The following MAGI2 variants were observed in gnomAD, a reference collection of about 807,000 sequenced individuals.
MAGI2 encodes the protein membrane-associated guanylate kinase, WW and PDZ domain-containing protein 2.
MAGI2 carries 35 observed loss-of-function variants against 133.3 expected under a neutral mutation model. The observed-to-expected ratio is 0.26, with a 90% CI of 0.20 to 0.35. The LOEUF (loss-of-function observed/expected upper bound fraction) is 0.35, where lower values mean the gene tolerates loss of function less well. Ranked by LOEUF, MAGI2 falls within the 10% of genes least tolerant of loss-of-function variation. MAGI2 has a pLI of 1.00. For synonymous variants in MAGI2, 729 were observed against 710.6 expected, an observed-to-expected ratio of 1.03 and a Z score of -0.41; for missense variants, 1,636 against 1,863.4, an observed-to-expected ratio of 0.88 and a Z score of 2.25.
At chr7:78,589,231 C>G (rs926029817) in intron 3 of MAGI2, among the ~76,000 whole-genome samples, 1 of 152,186 alleles carries the variant, frequency 6.6e-6, no homozygotes, top group Non-Finnish European at 1.5e-5. Context: ...ATGTTTCACA[C>G]TTACACGGTG....
chr7:78,282,540 A>ATCTTG (rs199504267), intron 9 of MAGI2, among the ~76,000 whole-genome samples: 2,233 of 152,122 alleles, frequency 0.015, 34 homozygotes, highest in South Asian at 0.025. Context: ...CTATCTATCT[A>ATCTTG]TCTTGTCTTT....
intron 21 of MAGI2, 159 bp downstream of exon 21, chr7:78,078,788 A>ATGTGTGTG (rs67657112): frequency 0.01 from 6,288 of 621,630 alleles, 4 homozygotes; most frequent in South Asian, 0.02. Context: ...GTGTGTGTGT[A>ATGTGTGTG]TGTGTGTGTG....
intron 2 of MAGI2, among the ~76,000 whole-genome samples, chr7:78,922,425 G>A (rs2151637167): frequency 6.7e-6 from 1 of 150,258 alleles, no homozygotes; most frequent in African/African-American, 2.4e-5. Context: ...TCCCACCTAT[G>A]AGTGAGAACA....
At chr7:79,311,106 A>C (rs772611784) in intron 1 of MAGI2, among the ~76,000 whole-genome samples, 23 of 152,044 alleles carry the variant, frequency 1.5e-4, no homozygotes, top group Non-Finnish European at 2.8e-4. Context: ...CTCCAATCAG[A>C]ATTTTCCCTT....
At chr7:78,183,049 G>T (rs141966605) in intron 13 of MAGI2, among the ~76,000 whole-genome samples, 1 of 152,238 alleles carries the variant, frequency 6.6e-6, no homozygotes, top group African/African-American at 2.4e-5. Context: ...CCACTATGGA[G>T]TTATCACTTA....
rs1268869067 is a variant in MAGI2 at position 79,220,180 on chromosome 7, CT to C, written c.302-212975del. 2.0e-5 allele frequency among the ~76,000 whole-genome samples: 3 copies of C among 151,964 alleles called. No homozygotes were observed. In the East Asian group the frequency reaches 5.8e-4, roughly 29 times the overall value. ...TTGGAAACTACATTTGTGTCCTTTT[CT>C]ATCCCATTCCTTACAGGATGGTGAT... On this transcript the variant is annotated intron_variant, in intron 1 of 21. Transcript: ENST00000354212.
intron 1 of MAGI2, among the ~76,000 whole-genome samples, chr7:79,299,719 G>GAGA (rs1837244134): frequency 6.6e-6 from 1 of 152,004 alleles, no homozygotes; most frequent in Non-Finnish European, 1.5e-5. Context: ...TTGGATATTT[G>GAGA]TTCCCACCCA....
chr7:78,937,181 G>A (rs774652539), intron 2 of MAGI2, among the ~76,000 whole-genome samples: 1 of 151,960 alleles, frequency 6.6e-6, no homozygotes, highest in African/African-American at 2.4e-5. Context: ...GAAGCCAGTA[G>A]TCTGAAGGAA....
In MAGI2 at chr7:78,841,367, C is replaced by G. The variant is rs1179962574; in HGVS notation, c.418+165723G>C. Among the ~76,000 whole-genome samples the G allele has an allele frequency of 2.0e-5, 3 of 152,170 alleles. No individual in the cohort carries two copies. In the South Asian group the frequency reaches 6.2e-4, roughly 32 times the overall value. On this transcript the variant is annotated intron_variant, in intron 2 of 21. Transcript: ENST00000354212. ...CCAATCACTTGCCTTGGAACTTCCT[C>G]GCAATCTCAGCTCAAGCAACACTGC... is the stretch of plus-strand genomic sequence containing the variant.
At chr7:79,163,829 TGTAA>T (rs1400014201) in intron 1 of MAGI2, among the ~76,000 whole-genome samples, 3 of 152,046 alleles carry the variant, frequency 2.0e-5, no homozygotes, top group East Asian at 1.9e-4. Flanking sequence ...TTATATCTCT[TGTAA>T]GTGTTATGTC....
At chr7:78,958,678 G>A (rs1469730471) in intron 2 of MAGI2, among the ~76,000 whole-genome samples, 1 of 152,092 alleles carries the variant, frequency 6.6e-6, no homozygotes, top group Non-Finnish European at 1.5e-5. Context: ...TGGAAAAATG[G>A]TGAAGTGCTT....
chr7:79,219,902 A>G (rs1830308054), intron 1 of MAGI2, among the ~76,000 whole-genome samples: 1 of 152,150 alleles, frequency 6.6e-6, no homozygotes, highest in Non-Finnish European at 1.5e-5. Context: ...CTGCTTTCCT[A>G]TAGAAAATTG....
At chr7:78,945,961 G>A (rs1367653028) in intron 2 of MAGI2, among the ~76,000 whole-genome samples, 1 of 152,110 alleles carries the variant, frequency 6.6e-6, no homozygotes, top group Non-Finnish European at 1.5e-5. Context: ...AATGTTATCA[G>A]AACAATCCTT....
intron 3 of MAGI2, among the ~76,000 whole-genome samples, chr7:78,527,155 A>T (rs10278133): frequency 0.034 from 5,194 of 152,254 alleles, 297 homozygotes; most frequent in African/African-American, 0.12. Flanking sequence ...GGACAGTCAC[A>T]CAATTTATTG....
intron 1 of MAGI2, among the ~76,000 whole-genome samples, chr7:79,339,626 G>A (rs1840743520): frequency 6.6e-6 from 1 of 151,926 alleles, no homozygotes; most frequent in South Asian, 2.1e-4. Context: ...CGTATATTAA[G>A]TGCTTATCAC....
intron 4 of MAGI2, among the ~76,000 whole-genome samples, chr7:78,517,531 G>A (rs1433745487): frequency 6.6e-6 from 1 of 152,090 alleles, no homozygotes; most frequent in African/African-American, 2.4e-5. Flanking sequence ...CATAAAATAA[G>A]TATAGAATTA....
chr7:79,162,166 C>T (rs1187654140), intron 1 of MAGI2, among the ~76,000 whole-genome samples: 1 of 151,990 alleles, frequency 6.6e-6, no homozygotes. Context: ...TTATTCTTGG[C>T]TACAATAATC....
intron 1 of MAGI2, among the ~76,000 whole-genome samples, chr7:79,269,524 G>C (rs377699664): frequency 1.3e-5 from 2 of 152,020 alleles, no homozygotes; most frequent in African/African-American, 4.8e-5. Flanking sequence ...ATATACTTCA[G>C]GCTTATCACC....
intron 20 of MAGI2, among the ~76,000 whole-genome samples, chr7:78,108,679 TATATGTGAGTGTATACACACAC>T (rs1373986904): frequency 3.3e-5 from 5 of 150,958 alleles, no homozygotes; most frequent in East Asian, 3.9e-4. Context: ...TATACACACA[TATATGTGAGTGTATACACACAC>T]ATATGTGAGT....
Sources: allele counts gnomAD v4.1 joint callset (sites outside exome capture counted in the v4.1 genomes callset), GRCh38; gene constraint gnomAD v4.1.1; transcripts MANE v1.5; gene names NCBI Gene and HGNC (gene_info 2026-07-23, HGNC 2026-07-21).